The following LHFPL3 variants were observed in gnomAD, a reference collection of about 807,000 sequenced individuals.
The protein encoded by LHFPL3 is LHFPL tetraspan subfamily member 3, also known as LHFPL tetraspan subfamily member 3 protein.
Under a neutral mutation model 19.3 loss-of-function variants are expected in LHFPL3, and 5 were observed. The observed-to-expected ratio is 0.26, with a 90% CI of 0.14 to 0.54. The LOEUF is 0.54. Ranked by LOEUF, LHFPL3 falls within the 20% of genes least tolerant of loss-of-function variation. The pLI is 0.94. For synonymous variants in LHFPL3, 133 were observed against 126.2 expected (o/e 1.05, Z -0.36); for missense variants, 249 against 307.4 (o/e 0.81, Z 1.42).
intron 1 of LHFPL3, among the ~76,000 whole-genome samples, chr7:104,464,345 A>G (rs1321426753): frequency 2.0e-5 from 3 of 152,150 alleles, no homozygotes; most frequent in Non-Finnish European, 4.4e-5. Flanking sequence ...CTCATGGTGC[A>G]AGCTGTTGGT....
At chr7:104,490,387 T>G (rs1793319432) in intron 1 of LHFPL3, among the ~76,000 whole-genome samples, 1 of 152,158 alleles carries the variant, frequency 6.6e-6, no homozygotes, top group Non-Finnish European at 1.5e-5. Context: ...ATGCAGCTAA[T>G]CATAAATAAT....
rs568537013 is a variant in LHFPL3, at chr7:104,603,134, T to C, written c.446-133541T>C. Among the ~76,000 whole-genome samples the C allele has an allele frequency of 5.7e-4, 51 of 90,248 alleles. 1 individual carries two copies. The highest frequency in any genetic ancestry group is 1.5e-3 in the East Asian group (5 of 3,242). The allele number at this position is 90,248 out of a possible 152,430, so 59.2% of individuals were successfully genotyped here. ...TCTTTCTTTCTTTCTTTCTTTCTTT[T>C]TTCCCTTCCTTCCTTCCTTCCTTCC... On this transcript the variant is annotated intron_variant, in intron 1 of 2. Coordinates refer to ENST00000424859, the MANE Select transcript of LHFPL3 (RefSeq NM_199000.3).
At chr7:104,565,099 A>G (rs746426897) in intron 1 of LHFPL3, among the ~76,000 whole-genome samples, 1 of 152,238 alleles carries the variant, frequency 6.6e-6, no homozygotes, top group Non-Finnish European at 1.5e-5. Flanking sequence ...TTTATCATCA[A>G]TAGAAAATAT....
intron 1 of LHFPL3, among the ~76,000 whole-genome samples, chr7:104,461,936 G>T (rs1232841581): frequency 3.3e-5 from 5 of 152,074 alleles, no homozygotes; most frequent in Admixed American, 6.6e-5. Context: ...TTTGAGGAGT[G>T]TTTTGTAATT....
intron 2 of LHFPL3, among the ~76,000 whole-genome samples, chr7:104,876,659 C>T (rs1337157931): frequency 6.6e-6 from 1 of 151,768 alleles, no homozygotes; most frequent in African/African-American, 2.4e-5. Flanking sequence ...GAAATAGGAA[C>T]ACTTTTACAC....
Position 104,436,558 on chromosome 7 carries a change from G to A in LHFPL3, c.445+107334G>A, listed in dbSNP as rs192329059. 1.8e-3 allele frequency among the ~76,000 whole-genome samples: 271 copies of A among 152,200 alleles called. 1 individual carries two copies. Among genetic ancestry groups the A allele is most frequent in the African/African-American group, 6.2e-3 (258 of 41,530 alleles). ...TGCTTCTTTATTTTTTAAAATCTTG[G>A]TTCTTACTTTGTGATATAGCAATCT... On this transcript the variant is annotated intron_variant, in intron 1 of 2. Coordinates refer to ENST00000424859, the MANE Select transcript of LHFPL3 (RefSeq NM_199000.3).
intron 1 of LHFPL3, among the ~76,000 whole-genome samples, chr7:104,457,257 T>G (rs1196802031): frequency 6.6e-6 from 1 of 151,882 alleles, no homozygotes; most frequent in Non-Finnish European, 1.5e-5. Flanking sequence ...CTCCTCAAGC[T>G]ATCCCTCCCC....
chr7:104,424,642 A>AG (rs911828907), intron 1 of LHFPL3, among the ~76,000 whole-genome samples: 6 of 152,332 alleles, frequency 3.9e-5, no homozygotes, highest in Non-Finnish European at 5.9e-5. Context: ...AGTGGGTAGA[A>AG]GTCGGGGATG....
chr7:104,621,974 T>C (rs1791453554), intron 1 of LHFPL3, among the ~76,000 whole-genome samples: 1 of 152,188 alleles, frequency 6.6e-6, no homozygotes, highest in Non-Finnish European at 1.5e-5. Context: ...CCCCAGAAGA[T>C]ACAGCACATG....
chr7:104,684,032 A>G (rs1404410506), intron 1 of LHFPL3, among the ~76,000 whole-genome samples: 1 of 152,240 alleles, frequency 6.6e-6, no homozygotes, highest in Non-Finnish European at 1.5e-5. Flanking sequence ...GATTACTTTT[A>G]AAAATTAGTT....
intron 1 of LHFPL3, among the ~76,000 whole-genome samples, chr7:104,704,874 A>T (rs902088964): frequency 4.6e-5 from 7 of 152,062 alleles, no homozygotes; most frequent in Admixed American, 6.6e-5. Flanking sequence ...AGGCTCAAGC[A>T]TTTCTCCCAC....
intron 2 of LHFPL3, among the ~76,000 whole-genome samples, chr7:104,863,300 G>A (rs1389585581): frequency 2.0e-5 from 3 of 152,176 alleles, no homozygotes; most frequent in African/African-American, 7.2e-5. Flanking sequence ...TGAGTGTGTT[G>A]AATTTCATTC....
chr7:104,422,779 A>G (rs1395012519), intron 1 of LHFPL3, among the ~76,000 whole-genome samples: 3 of 152,218 alleles, frequency 2.0e-5, no homozygotes, highest in South Asian at 4.1e-4. Context: ...ACTAGTACAC[A>G]TTTGTTAAAT....
At chr7:104,496,107 T>C (rs1027842962) in intron 1 of LHFPL3, among the ~76,000 whole-genome samples, 4 of 152,324 alleles carry the variant, frequency 2.6e-5, no homozygotes, top group East Asian at 1.9e-4. Flanking sequence ...CTCCTAATGC[T>C]ATCCCTCCTC....
intron 2 of LHFPL3, among the ~76,000 whole-genome samples, chr7:104,758,751 T>C (rs1183691985): frequency 6.6e-6 from 1 of 151,912 alleles, no homozygotes; most frequent in Non-Finnish European, 1.5e-5. Context: ...ACGAGATAGA[T>C]GCATGTAATC....
intron 2 of LHFPL3, chr7:104,744,103 C>G (rs905520418): frequency 1.3e-5 from 2 of 152,096 alleles, no homozygotes; most frequent in East Asian, 1.9e-4. Flanking sequence ...CCACTTGCCT[C>G]AGCCTTCCAA....
chr7:104,477,602 G>A (rs1793047655), intron 1 of LHFPL3, among the ~76,000 whole-genome samples: 1 of 152,122 alleles, frequency 6.6e-6, no homozygotes, highest in African/African-American at 2.4e-5. Flanking sequence ...TTCGGAGGGT[G>A]GAGGGTGAAA....
intron 1 of LHFPL3, among the ~76,000 whole-genome samples, chr7:104,355,963 A>G (rs1790265098): frequency 6.6e-6 from 1 of 152,258 alleles, no homozygotes; most frequent in African/African-American, 2.4e-5. Context: ...TCATCTTTAT[A>G]TCATTGATAT....
At chr7:104,886,339 T>C (rs961174997) in intron 2 of LHFPL3, among the ~76,000 whole-genome samples, 5 of 152,106 alleles carry the variant, frequency 3.3e-5, no homozygotes, top group African/African-American at 1.2e-4. Flanking sequence ...TCTGAGGTCT[T>C]ATTAGGAGTT....
Sources: allele counts gnomAD v4.1 joint callset (sites outside exome capture counted in the v4.1 genomes callset), GRCh38; gene constraint gnomAD v4.1.1; transcripts MANE v1.5; gene names NCBI Gene and HGNC (gene_info 2026-07-23, HGNC 2026-07-21).